The following FAT3 variants were observed in gnomAD, a reference collection of about 807,000 sequenced individuals.
The protein encoded by FAT3 is protocadherin Fat 3.
Under a neutral mutation model 310.2 loss-of-function variants are expected in FAT3, and 95 were observed. The observed-to-expected ratio is 0.31, with a 90% CI of 0.26 to 0.36. FAT3 has a LOEUF of 0.36. Among genes scored for constraint, FAT3 ranks in the 10% least tolerant of loss-of-function variants. The probability of loss-of-function intolerance (pLI) is 1.00; values close to 1 mark genes in which losing one functional copy is unlikely to be tolerated. For missense variants in FAT3, 5,408 were observed against 5,715.6 expected (o/e 0.95, Z 1.74); for synonymous variants, 2,314 against 2,192.9 (o/e 1.06, Z -1.54).
In FAT3 at chr11:92,306,938, G is replaced by A. The variant is rs542099614; in HGVS notation, c.-17-45158G>A. 3.0e-4 allele frequency among the ~76,000 whole-genome samples: 45 copies of A among 149,624 alleles called. No individual in the cohort carries two copies. The East Asian group carries it at 8.3e-3, about 28-fold the overall frequency. On this transcript the variant is annotated intron_variant, in intron 1 of 27. Transcript: ENST00000525166. ...CCTGAGTAGCTGGGACTACAGACCT[G>A]TGCCACCATGTCCGGCTATTTTTTT...
intron 2 of FAT3, among the ~76,000 whole-genome samples, chr11:92,483,595 C>T (rs143366460): frequency 1.5e-3 from 231 of 152,286 alleles, no homozygotes; most frequent in African/African-American, 5.3e-3. Flanking sequence ...CTTTTATCCT[C>T]ACCTATATTT....
intron 16 of FAT3, 37 bp from the exon 17 acceptor site, chr11:92,837,626 T>C (rs1433371359): frequency 6.2e-7 from 1 of 1,611,356 alleles, no homozygotes; most frequent in Admixed American, 1.7e-5. Flanking sequence ...AAGGAAGCGC[T>C]ACACCTCTTT....
chr11:92,542,624 T>C (rs539810870), intron 3 of FAT3, among the ~76,000 whole-genome samples: 1 of 151,710 alleles, frequency 6.6e-6, no homozygotes, highest in South Asian at 2.1e-4. Context: ...GAAATGCAAA[T>C]TGAGATATCA....
intron 3 of FAT3, among the ~76,000 whole-genome samples, chr11:92,567,116 GA>G (rs1955487015): frequency 6.6e-6 from 1 of 151,994 alleles, no homozygotes; most frequent in Non-Finnish European, 1.5e-5. Flanking sequence ...CAAAATAGGA[GA>G]AAATTTTCAC....
intron 3 of FAT3, among the ~76,000 whole-genome samples, chr11:92,581,504 A>G (rs1251599765): frequency 6.6e-6 from 1 of 151,910 alleles, no homozygotes; most frequent in Non-Finnish European, 1.5e-5. Flanking sequence ...TCTCTCTGTG[A>G]TGCTTTCATG....
chr11:92,324,141 C>T (rs1358546823), intron 1 of FAT3, among the ~76,000 whole-genome samples: 1 of 152,204 alleles, frequency 6.6e-6, no homozygotes. Flanking sequence ...GTTCAGACCA[C>T]TAAAACCTTT....
chr11:92,297,981 CT>C (rs1450792872), intron 1 of FAT3, among the ~76,000 whole-genome samples: 2 of 152,092 alleles, frequency 1.3e-5, no homozygotes, highest in East Asian at 3.9e-4. Context: ...ATTGGCCTGT[CT>C]GGTGGTAAGC....
chr11:92,325,011 TA>T (rs1191028502), intron 1 of FAT3, among the ~76,000 whole-genome samples: 1 of 152,202 alleles, frequency 6.6e-6, no homozygotes, highest in African/African-American at 2.4e-5. Context: ...TGATCACATT[TA>T]AAACCCGTTT....
intron 22 of FAT3, among the ~76,000 whole-genome samples, chr11:92,878,634 T>TAAAAAAAAAAAAAAAAAAAAA (rs145900689): frequency 9.4e-5 from 2 of 21,226 alleles, no homozygotes; most frequent in African/African-American, 1.4e-4. Context: ...TGTTATGTGT[T>TAAAAAAAAAAAAAAAAAAAAA]AAAAAAAAAA....
intron 3 of FAT3, among the ~76,000 whole-genome samples, chr11:92,580,803 G>T (rs1938751336): frequency 6.6e-6 from 1 of 152,034 alleles, no homozygotes; most frequent in Non-Finnish European, 1.5e-5. Context: ...ATATGTGGCT[G>T]AATTCCTGCC....
chr11:92,711,970 A>T (rs1944537372), intron 4 of FAT3, among the ~76,000 whole-genome samples: 1 of 152,222 alleles, frequency 6.6e-6, no homozygotes, highest in South Asian at 2.1e-4. Context: ...GTACCTTAGA[A>T]ATCATCTGCT....
At chr11:92,634,360 A>G (rs1941679403) in intron 3 of FAT3, among the ~76,000 whole-genome samples, 1 of 152,118 alleles carries the variant, frequency 6.6e-6, no homozygotes, top group African/African-American at 2.4e-5. Flanking sequence ...ATTGTCAAGG[A>G]GTTTCCCAGT....
intron 1 of FAT3, among the ~76,000 whole-genome samples, chr11:92,244,534 A>G (rs191600720): frequency 4.9e-4 from 75 of 152,268 alleles, no homozygotes; most frequent in African/African-American, 1.8e-3. Flanking sequence ...TACAGCAAGC[A>G]CAGTAGAGCT....
intron 2 of FAT3, among the ~76,000 whole-genome samples, chr11:92,418,563 G>T (rs562058020): frequency 3.3e-5 from 5 of 151,758 alleles, no homozygotes; most frequent in African/African-American, 1.2e-4. Context: ...TCATCAGAAG[G>T]CTATGAGCAC....
At chr11:92,702,495 G>A (rs1466118345) in intron 4 of FAT3, among the ~76,000 whole-genome samples, 1 of 152,094 alleles carries the variant, frequency 6.6e-6, no homozygotes, top group African/African-American at 2.4e-5. Context: ...TAATAAACTT[G>A]CCTCACAGAT....
At chr11:92,362,830 C>G (rs1948917370) in intron 2 of FAT3, among the ~76,000 whole-genome samples, 2 of 152,142 alleles carry the variant, frequency 1.3e-5, no homozygotes, top group Admixed American at 6.5e-5. Flanking sequence ...CTAGCAATCT[C>G]TACTGCAGTT....
intron 4 of FAT3, among the ~76,000 whole-genome samples, chr11:92,699,141 T>A (rs997724479): frequency 1.2e-4 from 19 of 152,160 alleles, no homozygotes; most frequent in African/African-American, 4.3e-4. Context: ...CTAACACAGA[T>A]TGGGGTCTGG....
At chr11:92,248,642 T>C (rs1865021042) in intron 1 of FAT3, among the ~76,000 whole-genome samples, 1 of 152,126 alleles carries the variant, frequency 6.6e-6, no homozygotes, top group South Asian at 2.1e-4. Flanking sequence ...TTTGTTTATA[T>C]TGTCATTGTA....
intron 2 of FAT3, among the ~76,000 whole-genome samples, chr11:92,401,528 C>A (rs1456954661): frequency 6.6e-6 from 1 of 152,268 alleles, no homozygotes; most frequent in East Asian, 1.9e-4. Context: ...GGGACTAGAG[C>A]TGAAGGTTGG....
Sources: allele counts gnomAD v4.1 joint callset (sites outside exome capture counted in the v4.1 genomes callset), GRCh38; gene constraint gnomAD v4.1.1; transcripts MANE v1.5; gene names NCBI Gene and HGNC (gene_info 2026-07-23, HGNC 2026-07-21).